Variants in DISC1 observed in about 807,000 individuals in gnomAD.
DISC1 encodes the protein disrupted in schizophrenia 1 protein.
In DISC1, 57 loss-of-function variants were observed where a neutral mutation model predicts 84.5. That is an observed-to-expected ratio of 0.67 (90% CI 0.55 to 0.84). DISC1 has a LOEUF of 0.84. Among genes scored for constraint, DISC1 ranks in the 40% least tolerant of loss-of-function variants. The probability of loss-of-function intolerance (pLI) is 0.00; values close to 1 mark genes in which losing one functional copy is unlikely to be tolerated. For synonymous variants in DISC1, 411 were observed against 415.2 expected (o/e 0.99, Z 0.12); for missense variants, 1,000 against 1,057.8 (o/e 0.95, Z 0.76).
chr1:231,954,657 T>C lies in DISC1; in HGVS notation c.1982-4171T>C, dbSNP rs1304734048. On this transcript the variant is annotated intron_variant, in intron 9 of 12. Transcript: ENST00000439617. This position sits in a 1 kb window ranked among gnomAD's most constrained non-coding sequence, Gnocchi z 4.8. ...TTACTACCATTGCCATTCTCATAGG[T>C]CCCTGCTCTACTGGACCTAAAATGG... Among the ~76,000 whole-genome samples the C allele has an allele frequency of 5.9e-5, 9 of 152,100 alleles. No individual in the cohort carries two copies. The South Asian group carries it at 1.9e-3, about 32-fold the overall frequency.
At chr1:231,868,694 A>T (rs1403023462) in intron 9 of DISC1, among the ~76,000 whole-genome samples, 7 of 1,618 alleles carry the variant, frequency 4.3e-3, no homozygotes, top group African/African-American at 6.8e-3. Context: ...CCCATCTCTT[A>T]TATATATATA....
At position 231,954,184 on chromosome 1, in the gene DISC1, T is replaced by C; in HGVS notation, c.1982-4644T>C. Among the ~76,000 whole-genome samples the C allele has an allele frequency of 6.6e-6, 1 of 152,154 alleles. No individual in the cohort carries two copies. The highest frequency in any genetic ancestry group is 1.5e-5 in the Non-Finnish European group (1 of 68,036). ...GGTTATGATGAATATTTATGGAAAA[T>C]GTTGCTGTGCACTCCAGTGAGAAAT... On this transcript the variant is annotated intron_variant, in intron 9 of 12. Transcript: ENST00000439617. This position sits in a 1 kb window ranked among gnomAD's most constrained non-coding sequence, Gnocchi z 4.8.
At chr1:231,837,248 G>T (rs1263099236) in intron 9 of DISC1, among the ~76,000 whole-genome samples, 1 of 152,100 alleles carries the variant, frequency 6.6e-6, no homozygotes, top group African/African-American at 2.4e-5. Context: ...AATTAGAAAG[G>T]TCATCCTGTC....
intron 12 of DISC1, among the ~76,000 whole-genome samples, chr1:232,028,129 C>T (rs762348302): frequency 1.3e-5 from 2 of 152,100 alleles, no homozygotes; most frequent in Admixed American, 6.5e-5. Flanking sequence ...ATAAGGATGG[C>T]GTTTTTATTT....
intron 10 of DISC1, among the ~76,000 whole-genome samples, chr1:231,976,976 A>G (rs1662898355): frequency 6.6e-6 from 1 of 152,166 alleles, no homozygotes. Flanking sequence ...GGTGAGCGCT[A>G]TTATTAACAA....
chr1:231,899,208 G>C (rs1265737354), intron 9 of DISC1, among the ~76,000 whole-genome samples: 2 of 152,110 alleles, frequency 1.3e-5, no homozygotes, highest in African/African-American at 2.4e-5. Context: ...TGGAGCTCTG[G>C]GACAGTAGCT....
At chr1:231,957,381 C>T (rs1659701980) in intron 9 of DISC1, among the ~76,000 whole-genome samples, 1 of 151,932 alleles carries the variant, frequency 6.6e-6, no homozygotes, top group South Asian at 2.1e-4. Flanking sequence ...TTTTTTTTTC[C>T]CCTTAAATCC....
At chr1:232,024,063 GTA>G (rs34010914) in intron 11 of DISC1, among the ~76,000 whole-genome samples, 160 of 148,864 alleles carry the variant, frequency 1.1e-3, no homozygotes, top group African/African-American at 3.7e-3. Flanking sequence ...GTGTATGTGT[GTA>G]TATATATATA....
At chr1:231,940,275 G>C (rs2091241242) in intron 9 of DISC1, among the ~76,000 whole-genome samples, 1 of 152,082 alleles carries the variant, frequency 6.6e-6, no homozygotes, top group Admixed American at 6.6e-5. Context: ...CGATCCACTT[G>C]GGCATCAAGT....
At chr1:231,656,870 G>C (rs1263055322) in intron 1 of DISC1, among the ~76,000 whole-genome samples, 1 of 152,158 alleles carries the variant, frequency 6.6e-6, no homozygotes, top group Non-Finnish European at 1.5e-5. Flanking sequence ...TTATAGATGA[G>C]AGCATGCATT....
chr1:231,968,974 A>G (rs1265817043), intron 10 of DISC1, among the ~76,000 whole-genome samples: 2 of 152,188 alleles, frequency 1.3e-5, no homozygotes, highest in African/African-American at 4.8e-5. Flanking sequence ...GGATTAATCA[A>G]TGATCACTAG....
chr1:231,628,445 T>C (rs1305149120), intron 1 of DISC1, among the ~76,000 whole-genome samples: 1 of 152,236 alleles, frequency 6.6e-6, no homozygotes, highest in Non-Finnish European at 1.5e-5. Context: ...TAGGAGGGAA[T>C]GGTAACATCT....
intron 9 of DISC1, among the ~76,000 whole-genome samples, chr1:231,848,706 C>T (rs2083638144): frequency 6.6e-6 from 1 of 152,162 alleles, no homozygotes; most frequent in African/African-American, 2.4e-5. Context: ...AACTTTCAGC[C>T]AGTTACTTAA....
rs748001334 is a variant in DISC1, at chr1:232,008,928, CTCCTCCTATTCCCCCCAG to C, written c.2187_2204del (p.Pro730_Arg735del). 4.2e-5 allele frequency: 67 copies of C among 1,613,636 alleles called. No homozygotes were observed. Among genetic ancestry groups the C allele is most frequent in the Non-Finnish European group, 5.6e-5 (66 of 1,179,806 alleles). On this transcript the variant is annotated inframe_deletion, in exon 11 of 13. Transcript: ENST00000439617. ...CAGATGGATGACTTAGAGGGAGCTG[CTCCTCCTATTCCCCCCAG>C]GCTCCACTCCGAGGATAAAAGGAAG...
intron 6 of DISC1, among the ~76,000 whole-genome samples, chr1:231,773,885 G>A (rs1171921191): frequency 6.6e-6 from 1 of 152,086 alleles, no homozygotes; most frequent in Non-Finnish European, 1.5e-5. Flanking sequence ...CCACGTTTTT[G>A]TGCTGAGGTG....
chr1:231,821,362 G>A (rs2081481668), intron 9 of DISC1, among the ~76,000 whole-genome samples: 1 of 152,082 alleles, frequency 6.6e-6, no homozygotes, highest in South Asian at 2.1e-4. Flanking sequence ...AGAACAATAC[G>A]GTGATAGAAA....
chr1:231,916,606 G>A (rs1389483449), intron 9 of DISC1, among the ~76,000 whole-genome samples: 1 of 140,118 alleles, frequency 7.1e-6, no homozygotes, highest in Non-Finnish European at 1.5e-5. Flanking sequence ...AGTGAGCCGA[G>A]ATCCCGCCAC....
chr1:231,750,690 G>C, intron 4 of DISC1: 6 of 652,778 alleles, frequency 9.2e-6, no homozygotes, highest in Non-Finnish European at 1.1e-5. Context: ...GGTGTGGGAG[G>C]CAAGGGTGGC....
At chr1:232,011,630 G>T (rs1392825385) in intron 11 of DISC1, among the ~76,000 whole-genome samples, 2 of 152,178 alleles carry the variant, frequency 1.3e-5, no homozygotes, top group African/African-American at 4.8e-5. Context: ...CAACAGGAAG[G>T]AATTTGGTGC....
Sources: gnomAD v4.1 joint callset for allele counts (sites outside exome capture counted in the v4.1 genomes callset) on GRCh38, gnomAD v4.1.1 for gene constraint, Gnocchi (gnomAD v3.1) non-coding constraint, MANE v1.5 for transcripts, NCBI Gene and HGNC (gene_info 2026-07-23, HGNC 2026-07-21) for gene names.